Variants in NOTCH2 observed in about 807,000 individuals in gnomAD.
NOTCH2 encodes notch receptor 2, also known as neurogenic locus notch homolog protein 2.
In NOTCH2, 29 loss-of-function variants were observed where a neutral mutation model predicts 235.8. The observed-to-expected ratio is 0.12, with a 90% CI of 0.09 to 0.17. The LOEUF (loss-of-function observed/expected upper bound fraction) is 0.17. Ranked by LOEUF, NOTCH2 falls within the 10% of genes least tolerant of loss-of-function variation. NOTCH2 has a pLI of 1.00. For missense variants in NOTCH2, 2,285 were observed against 3,150.2 expected (o/e 0.73, Z 6.57); for synonymous variants, 1,086 against 1,141.5 (o/e 0.95, Z 0.98).
intron 14 of NOTCH2, among the ~76,000 whole-genome samples, chr1:119,951,306 A>G (rs1650463307): frequency 6.6e-6 from 1 of 152,022 alleles, no homozygotes; most frequent in Admixed American, 6.6e-5. Flanking sequence ...GCATGCCATC[A>G]TGCCCACTTG....
chr1:119,982,518 A>C (rs913291034), intron 5 of NOTCH2, among the ~76,000 whole-genome samples: 6 of 152,224 alleles, frequency 3.9e-5, no homozygotes, highest in Non-Finnish European at 8.8e-5. Context: ...TGCTCTAATA[A>C]ATTTTGGGCC....
intron 5 of NOTCH2, among the ~76,000 whole-genome samples, chr1:119,982,933 G>A (rs1651867413): frequency 6.6e-6 from 1 of 152,188 alleles, no homozygotes; most frequent in South Asian, 2.1e-4. Context: ...GGCTAGAACA[G>A]ATGCTTCTAC....
At chr1:120,028,899 G>T (rs1553210473) in intron 2 of NOTCH2, among the ~76,000 whole-genome samples, 1 of 151,546 alleles carries the variant, frequency 6.6e-6, no homozygotes, top group East Asian at 1.9e-4. Flanking sequence ...TTCAATTGAG[G>T]CAGAAGAAAA....
At chr1:120,000,388 G>T (rs1490352781) in intron 3 of NOTCH2, among the ~76,000 whole-genome samples, 2 of 151,358 alleles carry the variant, frequency 1.3e-5, no homozygotes, top group Admixed American at 1.3e-4. Flanking sequence ...ACAAAAATTA[G>T]CCGGGCATGG....
intron 9 of NOTCH2, 114 bp from the exon 10 acceptor site, chr1:119,965,680 G>A: frequency 1.2e-6 from 1 of 810,322 alleles, no homozygotes; most frequent in South Asian, 1.4e-5. Flanking sequence ...ATAAGCCTAT[G>A]CTTTATTATT....
intron 8 of NOTCH2, 73 bp from the exon 9 acceptor site, chr1:119,966,562 G>T: frequency 9.7e-7 from 1 of 1,029,832 alleles, no homozygotes; most frequent in Non-Finnish European, 1.5e-6. Context: ...GCACAAATTT[G>T]CAATGATAAC....
intron 14 of NOTCH2, among the ~76,000 whole-genome samples, chr1:119,952,372 TATA>T (rs1650511862): frequency 6.6e-6 from 1 of 152,152 alleles, no homozygotes; most frequent in African/African-American, 2.4e-5. Context: ...CTTTTATTAT[TATA>T]ATATTACACT....
chr1:120,010,357 A>G (rs1326148812), intron 2 of NOTCH2, among the ~76,000 whole-genome samples: 3 of 152,128 alleles, frequency 2.0e-5, no homozygotes, highest in Non-Finnish European at 2.9e-5. Context: ...TTTCTAAAAT[A>G]TTTCTAAAAG....
intron 29 of NOTCH2, 74 bp downstream of exon 29, chr1:119,921,639 G>T: frequency 8.2e-7 from 1 of 1,224,892 alleles, no homozygotes. Flanking sequence ...AGGACACTCT[G>T]GAGCTAAAGG....
intron 2 of NOTCH2, among the ~76,000 whole-genome samples, chr1:120,026,991 G>A (rs1339025560): frequency 3.1e-5 from 4 of 130,584 alleles, no homozygotes; most frequent in African/African-American, 8.5e-5. Context: ...TCGCTCTGTC[G>A]CTCAGGCTGG....
At chr1:120,042,032 G>C (rs1235475023) in intron 1 of NOTCH2, among the ~76,000 whole-genome samples, 1 of 141,474 alleles carries the variant, frequency 7.1e-6, no homozygotes, top group African/African-American at 2.9e-5. Context: ...CAGATGCCCT[G>C]GCCTACCTTC....
rs1340832593 is a variant in NOTCH2, at chr1:119,915,926, C to T, written c.6796G>A (p.Glu2266Lys). 4 of 1,614,040 alleles carry T rather than the reference C, an allele frequency of 2.5e-6. No homozygotes were observed. In the African/African-American group the frequency reaches 4.0e-5, roughly 16 times the overall value. Residue 2266 changes from glutamate (E) to lysine (K), a missense_variant, in exon 34 of 34, where the codon GAG becomes AAG. Coordinates refer to ENST00000256646, the MANE Select transcript of NOTCH2 (RefSeq NM_024408.4). ...RMEVNETQYN[E>K]MFGMVLAPAE... The stretch of plus-strand genomic sequence containing the variant: ...GGAGCCAGGACCATACCAAACATCT[C>T]ATTGTACTGGGTCTCATTCACCTCC...
chr1:119,912,163 C>G lies in NOTCH2; in HGVS notation c.*3143G>C. On this transcript the variant is annotated 3_prime_UTR_variant, in exon 34 of 34. Coordinates refer to ENST00000256646, the MANE Select transcript of NOTCH2 (RefSeq NM_024408.4). ...AAGTAAAAACAAAGTGTGCATTTTC[C>G]TTACTACGTTTAGTCAGGAATATGC... The G allele has an allele frequency of 4.3e-6, 1 of 233,442 alleles. No individual in the cohort carries two copies. The highest frequency in any genetic ancestry group is 8.5e-6 in the Non-Finnish European group (1 of 117,936). The allele number at this position is 233,442 out of a possible 1,614,324, so 14.5% of individuals were successfully genotyped here.
At chr1:119,955,891 C>T (rs1042396152) in intron 12 of NOTCH2, among the ~76,000 whole-genome samples, 10 of 152,126 alleles carry the variant, frequency 6.6e-5, no homozygotes, top group Non-Finnish European at 1.5e-4. Flanking sequence ...CTTTAATGTG[C>T]AAAATCATCA....
Position 119,925,821 on chromosome 1 carries a change from C to G in NOTCH2, c.4006-11G>C. On this transcript the variant is annotated splice_polypyrimidine_tract_variant and intron_variant, in intron 24 of 33. Transcript: ENST00000256646. ...TGCCCCGGAAAATCCCTGTGGAAAT[C>G]AGTGAGGAAATAAAAATGGCATTGG... is the stretch of plus-strand genomic sequence containing the variant. 1 of 1,613,856 alleles carries G rather than the reference C, an allele frequency of 6.2e-7. No individual in the cohort carries two copies. The highest frequency in any genetic ancestry group is 1.1e-5 in the South Asian group (1 of 91,034).
chr1:120,034,335 CAAA>C (rs558577685), intron 1 of NOTCH2, among the ~76,000 whole-genome samples: 1 of 55,774 alleles, frequency 1.8e-5, no homozygotes, highest in African/African-American at 1.5e-4. Context: ...TCTACTCCAC[CAAA>C]AAAAAAAAAA....
chr1:119,946,224 G>A (rs1553197029), intron 17 of NOTCH2, among the ~76,000 whole-genome samples: 3 of 152,064 alleles, frequency 2.0e-5, no homozygotes, highest in African/African-American at 7.2e-5. Context: ...AAGGTTCCAT[G>A]TCTATATATT....
intron 19 of NOTCH2, 136 bp from the exon 20 acceptor site, chr1:119,938,146 G>A (rs1440823121): frequency 5.4e-6 from 5 of 931,120 alleles, no homozygotes; most frequent in African/African-American, 1.7e-5. Context: ...TAGTAAAAGA[G>A]CCCTTAAACT....
intron 1 of NOTCH2, among the ~76,000 whole-genome samples, chr1:120,036,889 C>A (rs1654324824): frequency 6.6e-6 from 1 of 152,162 alleles, no homozygotes; most frequent in African/African-American, 2.4e-5. Flanking sequence ...CCTAAGTTTT[C>A]CAATGCTTTT....
Sources: gnomAD v4.1 joint callset for allele counts (sites outside exome capture counted in the v4.1 genomes callset) on GRCh38, gnomAD v4.1.1 for gene constraint, MANE v1.5 for transcripts, NCBI Gene and HGNC (gene_info 2026-07-23, HGNC 2026-07-21) for gene names.